The following TENM4 variants were observed in gnomAD, a reference collection of about 807,000 sequenced individuals.
The protein encoded by TENM4 is teneurin transmembrane protein 4, also known as teneurin-4.
A neutral mutation model predicts 243.3 loss-of-function variants in TENM4; 82 were observed. The observed-to-expected ratio is 0.34, with a 90% CI of 0.28 to 0.40. TENM4 has a LOEUF of 0.40. TENM4 is among the 10% of genes least tolerant of loss of function. The pLI, the probability that TENM4 is intolerant of heterozygous loss-of-function variation, is 1.00. For missense variants in TENM4, 3,138 were observed against 3,673.3 expected, an observed-to-expected ratio of 0.85 and a Z score of 3.77; for synonymous variants, 1,412 against 1,456.3, an observed-to-expected ratio of 0.97 and a Z score of 0.69.
intron 9 of TENM4, among the ~76,000 whole-genome samples, chr11:78,881,393 G>C: frequency 6.6e-6 from 1 of 152,202 alleles, no homozygotes; most frequent in Non-Finnish European, 1.5e-5. Context: ...AGGGTGGGAA[G>C]AGAGTGAGGT....
intron 6 of TENM4, chr11:78,903,936 A>T (rs777880897): frequency 2.9e-4 from 135 of 462,666 alleles, no homozygotes; most frequent in Middle Eastern, 6.4e-4. Context: ...AGGCTGACTG[A>T]ATCATGAACC....
chr11:78,929,650 G>C (rs1317905308), intron 6 of TENM4, among the ~76,000 whole-genome samples: 1 of 152,112 alleles, frequency 6.6e-6, no homozygotes, highest in African/African-American at 2.4e-5. Context: ...GAGGGAACCT[G>C]GTTATAATGG....
chr11:79,181,901 C>T (rs980199133), intron 3 of TENM4, among the ~76,000 whole-genome samples: 5 of 148,308 alleles, frequency 3.4e-5, no homozygotes, highest in Non-Finnish European at 7.4e-5. Flanking sequence ...AAAATATGTA[C>T]AATATCTATA....
At chr11:79,174,082 C>G (rs903609142) in intron 3 of TENM4, among the ~76,000 whole-genome samples, 1 of 152,200 alleles carries the variant, frequency 6.6e-6, no homozygotes, top group East Asian at 1.9e-4. Flanking sequence ...AGCTTTTTAA[C>G]CCCCTGGGGA....
chr11:78,971,221 A>C (rs552441181), intron 6 of TENM4, among the ~76,000 whole-genome samples: 23 of 152,292 alleles, frequency 1.5e-4, no homozygotes, highest in Non-Finnish European at 2.5e-4. Context: ...ACCTCATGAG[A>C]AAATGAAATA....
At chr11:79,246,598 G>A (rs994434303) in intron 2 of TENM4, among the ~76,000 whole-genome samples, 3 of 152,110 alleles carry the variant, frequency 2.0e-5, no homozygotes, top group Admixed American at 6.5e-5. Context: ...GAACACACTG[G>A]AACTATCCAC....
chr11:78,812,897 G>A (rs1384938921), intron 13 of TENM4, among the ~76,000 whole-genome samples: 1 of 152,088 alleles, frequency 6.6e-6, no homozygotes, highest in South Asian at 2.1e-4. Flanking sequence ...TAGAGTAAAG[G>A]ATTTTGTGAT....
chr11:79,147,949 A>G (rs1313502419), intron 4 of TENM4, among the ~76,000 whole-genome samples: 1 of 152,066 alleles, frequency 6.6e-6, no homozygotes, highest in African/African-American at 2.4e-5. Context: ...AAACGATCCA[A>G]GTGGAGGTCA....
At chr11:79,140,141 T>G (rs1862259361) in intron 4 of TENM4, among the ~76,000 whole-genome samples, 1 of 151,874 alleles carries the variant, frequency 6.6e-6, no homozygotes, top group Non-Finnish European at 1.5e-5. Flanking sequence ...CAACTTCAAC[T>G]CCCCAGAATC....
At chr11:79,216,689 A>G (rs181047010) in intron 2 of TENM4, among the ~76,000 whole-genome samples, 190 of 152,242 alleles carry the variant, frequency 1.2e-3, no homozygotes, top group African/African-American at 4.4e-3. Context: ...ACATGTGTTC[A>G]CTTGCCCTTC....
Position 78,889,847 on chromosome 11 carries a change from C to T in TENM4, c.1022G>A (p.Cys341Tyr). ...KKPSKYCNWK[C>Y]AALSAIVISA... ...GATGACGATGGCGCTCAGGGCTGCG[C>T]ACTTCCAGTTACAGTACTTGGAGGG... is the stretch of plus-strand genomic sequence containing the variant. Residue 341 changes from cysteine (C) to tyrosine (Y), a missense_variant, in exon 9 of 34, where the codon TGC becomes TAC. Coordinates refer to ENST00000278550, the MANE Select transcript of TENM4 (RefSeq NM_001098816.3). 6.4e-7 allele frequency: 1 copy of T among 1,551,868 alleles called. No homozygotes were observed. Among genetic ancestry groups the T allele is most frequent in the Admixed American group, 2.0e-5 (1 of 51,012 alleles).
chr11:79,004,508 C>A (rs140892320), intron 6 of TENM4, among the ~76,000 whole-genome samples: 35 of 152,198 alleles, frequency 2.3e-4, no homozygotes, highest in African/African-American at 8.2e-4. Flanking sequence ...AATTAAACAA[C>A]CTTTTGTGTA....
In TENM4 at chr11:78,891,455, G is replaced by A. The variant is rs536780295; in HGVS notation, c.750-119C>T. ...TGTGTGCGTAAGACCAGCGGGACAC[G>A]GTTTCCAGGCAATGGGTCAGTGTGC... is the stretch of plus-strand genomic sequence containing the variant. On this transcript the variant is annotated intron_variant, in intron 7 of 33. Transcript: ENST00000278550. 5.7e-5 allele frequency: 50 copies of A among 876,302 alleles called. No individual in the cohort carries two copies. In the African/African-American group the frequency reaches 5.8e-4, roughly 10 times the overall value. 54.3% of individuals were successfully genotyped at this position (876,302 alleles called of 1,614,324 possible).
At chr11:79,042,821 C>A (rs1859570371) in intron 6 of TENM4, among the ~76,000 whole-genome samples, 1 of 152,174 alleles carries the variant, frequency 6.6e-6, no homozygotes, top group Admixed American at 6.5e-5. Context: ...ATTCCGGGGG[C>A]CACAATCTGT....
chr11:78,903,495 C>A lies in TENM4; in HGVS notation c.522G>T (p.Ala174=). 1 of 1,547,688 alleles carries A rather than the reference C, an allele frequency of 6.5e-7. No homozygotes were observed. Among genetic ancestry groups the A allele is most frequent in the Non-Finnish European group, 8.7e-7 (1 of 1,146,444 alleles). ...GCGGCGGCGGCGGCGTCCGGAGCCG[C>A]GCGTGGTTCTGCAGGCCGCCCGGAT... ...TDHPGGLQNH[A]RLRTPPPPLS... Residue 174 remains alanine (A), a synonymous_variant, in exon 7 of 34, where the codon GCG becomes GCT. Coordinates refer to ENST00000278550, the MANE Select transcript of TENM4 (RefSeq NM_001098816.3).
intron 4 of TENM4, among the ~76,000 whole-genome samples, chr11:79,116,939 TA>T (rs1861634675): frequency 6.6e-6 from 1 of 152,216 alleles, no homozygotes; most frequent in Non-Finnish European, 1.5e-5. Context: ...GCACAAGTTT[TA>T]CTTTTTATTT....
intron 4 of TENM4, among the ~76,000 whole-genome samples, chr11:79,127,542 C>G (rs542511686): frequency 6.6e-6 from 1 of 152,166 alleles, no homozygotes; most frequent in Non-Finnish European, 1.5e-5. Flanking sequence ...TAAGCCCCAA[C>G]AGAAGCAATT....
intron 1 of TENM4, among the ~76,000 whole-genome samples, chr11:79,346,283 C>A (rs1857324821): frequency 6.6e-6 from 1 of 152,112 alleles, no homozygotes; most frequent in Non-Finnish European, 1.5e-5. Flanking sequence ...CCGGACAGTA[C>A]CTCAGTGTCT....
intron 6 of TENM4, among the ~76,000 whole-genome samples, chr11:78,985,878 C>T (rs1269141571): frequency 6.6e-6 from 1 of 152,176 alleles, no homozygotes; most frequent in East Asian, 1.9e-4. Context: ...CCCTCTGGGT[C>T]TACAGGCAGC....
Sources: allele counts gnomAD v4.1 joint callset (sites outside exome capture counted in the v4.1 genomes callset), GRCh38; gene constraint gnomAD v4.1.1; transcripts MANE v1.5; gene names NCBI Gene and HGNC (gene_info 2026-07-23, HGNC 2026-07-21).